PTPRG: variants seen among roughly 807,000 people sequenced by gnomAD.
The protein encoded by PTPRG is protein tyrosine phosphatase receptor type G, also known as receptor-type tyrosine-protein phosphatase gamma.
A neutral mutation model predicts 165.3 loss-of-function variants in PTPRG; 102 were observed. The ratio of observed to expected loss-of-function variants is 0.62; its 90% CI spans 0.53 to 0.73. The LOEUF is 0.73. PTPRG is among the 30% of genes least tolerant of loss of function. The pLI, the probability that PTPRG is intolerant of heterozygous loss-of-function variation, is 0.00. For synonymous variants in PTPRG, 675 were observed against 669.5 expected (o/e 1.01, Z -0.13); for missense variants, 1,866 against 1,861.4 (o/e 1.00, Z -0.05).
chr3:62,030,159 T>C (rs112422420), intron 4 of PTPRG, among the ~76,000 whole-genome samples: 2 of 152,046 alleles, frequency 1.3e-5, no homozygotes, highest in African/African-American at 4.8e-5. Context: ...GTTTTACATA[T>C]ACACACAGTT....
chr3:61,701,373 T>G (rs1031906511), intron 1 of PTPRG, among the ~76,000 whole-genome samples: 1 of 152,194 alleles, frequency 6.6e-6, no homozygotes, highest in African/African-American at 2.4e-5. Context: ...TAGTGCTGTT[T>G]AATTTTCAGA....
At chr3:62,209,863 C>T (rs1305010903) in intron 12 of PTPRG, among the ~76,000 whole-genome samples, 5 of 152,186 alleles carry the variant, frequency 3.3e-5, no homozygotes, top group Admixed American at 1.3e-4. Context: ...ATTAGATTTC[C>T]GGAGAGGTTG....
rs536018354 is a variant in PTPRG at position 61,873,779 on chromosome 3, C to T, written c.191-115846C>T. Among the ~76,000 whole-genome samples the T allele has an allele frequency of 1.2e-4, 18 of 152,230 alleles. No homozygotes were observed. In the South Asian group the frequency reaches 3.3e-3, roughly 28 times the overall value. ...CTGAATGATGATTAAGTTCAGTTGA[C>T]GCAGTATAAATGATTAGCTAAGTGA... On this transcript the variant is annotated intron_variant, in intron 2 of 29. Coordinates refer to ENST00000474889, the MANE Select transcript of PTPRG (RefSeq NM_002841.4).
At chr3:61,779,055 TACAC>T (rs915485662) in intron 2 of PTPRG, among the ~76,000 whole-genome samples, 12 of 152,086 alleles carry the variant, frequency 7.9e-5, no homozygotes, top group Non-Finnish European at 1.3e-4. Context: ...CAGGAGGATT[TACAC>T]ACACACAGAC....
chr3:62,092,051 C>G (rs1701949736), intron 5 of PTPRG, among the ~76,000 whole-genome samples: 1 of 142,954 alleles, frequency 7.0e-6, no homozygotes, highest in Non-Finnish European at 1.5e-5. Context: ...GGGAGGTTAC[C>G]CCTTATACAT....
intron 4 of PTPRG, among the ~76,000 whole-genome samples, chr3:62,014,728 T>C (rs938420225): frequency 2.0e-5 from 3 of 152,222 alleles, no homozygotes; most frequent in Non-Finnish European, 4.4e-5. Context: ...TTGTCTCTGA[T>C]TGCCTGTCTC....
chr3:61,666,174 CCT>C (rs1559547460), intron 1 of PTPRG, among the ~76,000 whole-genome samples: 1 of 152,144 alleles, frequency 6.6e-6, no homozygotes, highest in Non-Finnish European at 1.5e-5. Context: ...TCGATAAAAA[CCT>C]CTGTTCCTCT....
chr3:62,124,714 A>C, intron 5 of PTPRG: 2 of 572,074 alleles, frequency 3.5e-6, no homozygotes, highest in Non-Finnish European at 3.1e-6. Flanking sequence ...GACTTGGCTC[A>C]GAATCACACT....
At chr3:61,738,313 C>CACAT in intron 1 of PTPRG, among the ~76,000 whole-genome samples, 1 of 76,196 alleles carries the variant, frequency 1.3e-5, no homozygotes, top group South Asian at 5.6e-4. Flanking sequence ...TATATATATA[C>CACAT]ATATATATAT....
At chr3:62,092,439 G>GAAAAAAAAAAAAA (rs55955359) in intron 5 of PTPRG, among the ~76,000 whole-genome samples, 199 of 89,388 alleles carry the variant, frequency 2.2e-3, no homozygotes, top group Non-Finnish European at 3.3e-3. Context: ...GAGTCCATCT[G>GAAAAAAAAAAAAA]AAAAAAAAAA....
At chr3:61,587,761 A>G (rs142647344) in intron 1 of PTPRG, among the ~76,000 whole-genome samples, 147 of 152,228 alleles carry the variant, frequency 9.7e-4, no homozygotes, top group African/African-American at 3.2e-3. Flanking sequence ...GGCTCAAGCA[A>G]TCCTCCCACC....
intron 2 of PTPRG, among the ~76,000 whole-genome samples, chr3:61,856,109 T>TA: frequency 6.6e-6 from 1 of 152,126 alleles, no homozygotes. Flanking sequence ...CTCTTGTACT[T>TA]ACGTAGAACA....
rs184314621 is a variant in PTPRG, at chr3:62,034,255, A to G, written c.519+30758A>G. Among the ~76,000 whole-genome samples, 174 of 152,362 alleles carry G rather than the reference A, an allele frequency of 1.1e-3. 1 individual carries two copies. The highest frequency in any genetic ancestry group is 3.9e-3 in the African/African-American group (162 of 41,588). ...TGAGAATACTTTATTTTCAATCTGC[A>G]TTTGTTTGGAAAAAGCAAACCCTAG... is the stretch of plus-strand genomic sequence containing the variant. On this transcript the variant is annotated intron_variant, in intron 4 of 29. Transcript: ENST00000474889.
At chr3:61,894,359 C>T (rs1291963784) in intron 2 of PTPRG, among the ~76,000 whole-genome samples, 1 of 130,772 alleles carries the variant, frequency 7.6e-6, no homozygotes, top group African/African-American at 2.9e-5. Context: ...TTATCTGGTG[C>T]TGGAGGAGTT....
intron 5 of PTPRG, among the ~76,000 whole-genome samples, chr3:62,093,144 A>T (rs774833321): frequency 2.0e-5 from 3 of 152,186 alleles, no homozygotes; most frequent in South Asian, 2.1e-4. Context: ...CGTGATTCTA[A>T]ATAGTGCACA....
chr3:61,933,710 G>A (rs1271235175), intron 2 of PTPRG, among the ~76,000 whole-genome samples: 3 of 152,086 alleles, frequency 2.0e-5, no homozygotes, highest in Non-Finnish European at 4.4e-5. Flanking sequence ...CTAGTCCCAT[G>A]GTTTCCTCTC....
intron 3 of PTPRG, among the ~76,000 whole-genome samples, chr3:62,002,484 A>G (rs2041195601): frequency 6.6e-6 from 1 of 152,184 alleles, no homozygotes; most frequent in Non-Finnish European, 1.5e-5. Flanking sequence ...CTTGAATAGA[A>G]TTTGTTTTTT....
intron 2 of PTPRG, among the ~76,000 whole-genome samples, chr3:61,833,543 C>T (rs534287393): frequency 5.9e-5 from 9 of 152,100 alleles, no homozygotes; most frequent in Middle Eastern, 3.4e-3. Flanking sequence ...TTCCTCATTC[C>T]GGCAAAGTGT....
chr3:61,920,727 A>G (rs1032496011), intron 2 of PTPRG, among the ~76,000 whole-genome samples: 1 of 152,226 alleles, frequency 6.6e-6, no homozygotes, highest in Non-Finnish European at 1.5e-5. Context: ...TTTTAGGTCC[A>G]CAGCAAAATT....
Sources: gnomAD v4.1 joint callset for allele counts (sites outside exome capture counted in the v4.1 genomes callset) on GRCh38, gnomAD v4.1.1 for gene constraint, MANE v1.5 for transcripts, NCBI Gene and HGNC (gene_info 2026-07-23, HGNC 2026-07-21) for gene names.